Variants in USP25 observed in about 807,000 individuals in gnomAD.
USP25 encodes ubiquitin specific peptidase 25, also known as ubiquitin carboxyl-terminal hydrolase 25.
Under a neutral mutation model 158.5 loss-of-function variants are expected in USP25, and 85 were observed. The observed-to-expected ratio is 0.54, with a 90% CI of 0.45 to 0.64. USP25 has a LOEUF of 0.64. Among genes scored for constraint, USP25 ranks in the 30% least tolerant of loss-of-function variants. The probability of loss-of-function intolerance (pLI) is 0.00; values close to 1 mark genes in which losing one functional copy is unlikely to be tolerated. For synonymous variants in USP25, 464 were observed against 460.4 expected, an observed-to-expected ratio of 1.01 and a Z score of -0.10; for missense variants, 1,242 against 1,327.3, an observed-to-expected ratio of 0.94 and a Z score of 1.00.
rs759893206 is a variant in USP25, at chr21:15,766,812, AAT to A, written c.268+673_268+674del. ...TAGTTTAATAATTGTACTACATAAAAATAGTTACTTTTATGCCTTATGGATTT... is the reference window on the plus strand; with the variant it reads ...TAGTTTAATAATTGTACTACATAAAAAGTTACTTTTATGCCTTATGGATTT... On this transcript the variant is annotated intron_variant, in intron 3 of 25. Coordinates refer to ENST00000400183, the MANE Select transcript of USP25 (RefSeq NM_001283041.3). The surrounding 1 kb of genome is among the most constrained non-coding windows in gnomAD (Gnocchi z 4.0). Among the ~76,000 whole-genome samples, 2 of 152,100 alleles carry A rather than the reference AAT, an allele frequency of 1.3e-5. No individual in the cohort carries two copies. The highest frequency in any genetic ancestry group is 2.9e-5 in the Non-Finnish European group (2 of 67,974).
chr21:15,867,793 T>G (rs1262333238), intron 22 of USP25, among the ~76,000 whole-genome samples: 2 of 152,074 alleles, frequency 1.3e-5, no homozygotes, highest in Non-Finnish European at 2.9e-5. Flanking sequence ...AGAAATAAAT[T>G]TAACAAAAGG....
intron 16 of USP25, among the ~76,000 whole-genome samples, chr21:15,832,371 T>C (rs1375133334): frequency 6.6e-6 from 1 of 152,192 alleles, no homozygotes; most frequent in East Asian, 1.9e-4. Flanking sequence ...TAAAGGTTTA[T>C]TGAAACTGAT....
At chr21:15,737,592 G>A (rs1267720806) in intron 1 of USP25, among the ~76,000 whole-genome samples, 1 of 151,482 alleles carries the variant, frequency 6.6e-6, no homozygotes, top group Admixed American at 6.6e-5. Flanking sequence ...TTTTTTTAAT[G>A]TTAGTTGTTT....
At chr21:15,752,178 C>T (rs1184561604) in intron 1 of USP25, among the ~76,000 whole-genome samples, 12 of 151,890 alleles carry the variant, frequency 7.9e-5, no homozygotes, top group Non-Finnish European at 2.9e-5. Context: ...GGTGATCTGC[C>T]TGCCTCGGCC....
chr21:15,774,231 C>G lies in USP25; in HGVS notation c.269-3673C>G, dbSNP rs532082690. Among the ~76,000 whole-genome samples, 20 of 152,198 alleles carry G rather than the reference C, an allele frequency of 1.3e-4. No individual in the cohort carries two copies. In the South Asian group the frequency reaches 3.3e-3, roughly 25 times the overall value. On this transcript the variant is annotated intron_variant, in intron 3 of 25. Coordinates refer to ENST00000400183, the MANE Select transcript of USP25 (RefSeq NM_001283041.3). Reference sequence around the variant, plus strand: ...AGTGTTTCTTGCTTTTTGGATGGATCTTTTACCCATGCATGAGTTTGTAAC... The same window carrying G: ...AGTGTTTCTTGCTTTTTGGATGGATGTTTTACCCATGCATGAGTTTGTAAC...
intron 5 of USP25, among the ~76,000 whole-genome samples, chr21:15,792,048 T>C (rs982376287): frequency 4.0e-5 from 6 of 151,794 alleles, no homozygotes; most frequent in African/African-American, 1.2e-4. Flanking sequence ...TTGTATATAC[T>C]AGACAGTGTT....
At chr21:15,860,219 C>G (rs946806520) in intron 20 of USP25, among the ~76,000 whole-genome samples, 8 of 152,020 alleles carry the variant, frequency 5.3e-5, no homozygotes, top group Non-Finnish European at 1.0e-4. Flanking sequence ...ATGGCATGAT[C>G]TCAGCTCACC....
Position 15,818,994 on chromosome 21 carries a change from A to G in USP25, c.1080+148A>G. On this transcript the variant is annotated intron_variant, in intron 10 of 25. Transcript: ENST00000400183. ...TTTGGATTTAATTGGTAATTTAGAC[A>G]TTCAGGAGACCTGTCCAGTCAATAT... 3 of 953,064 alleles carry G rather than the reference A, an allele frequency of 3.1e-6. No homozygotes were observed. The South Asian group carries it at 5.6e-5, about 18-fold the overall frequency. The allele number at this position is 953,064 out of a possible 1,614,324, so 59.0% of individuals were successfully genotyped here. A position where few individuals can be genotyped will look rare whatever the true frequency, so the allele number is the denominator to read the frequency against.
intron 20 of USP25, among the ~76,000 whole-genome samples, chr21:15,855,827 G>A (rs1189309602): frequency 6.6e-6 from 1 of 152,136 alleles, no homozygotes; most frequent in Non-Finnish European, 1.5e-5. Flanking sequence ...ACTACAGTCT[G>A]TCCGTACCCA....
chr21:15,738,967 C>G (rs1007175096), intron 1 of USP25, among the ~76,000 whole-genome samples: 3 of 152,268 alleles, frequency 2.0e-5, no homozygotes, highest in Admixed American at 2.0e-4. Context: ...ATGACCCTCT[C>G]ACACGCACCC....
rs562452693 is a variant in USP25 at position 15,833,476 on chromosome 21, G to T, written c.2122G>T (p.Ala708Ser). Residue 708 changes from alanine to serine, a missense_variant, in exon 17 of 26, where the codon GCC (alanine) becomes TCC (serine). By Grantham distance (99) the Ala-to-Ser change is moderately conservative (BLOSUM62 1). Around this residue, in one of 3 missense-constraint regions of USP25, gnomAD observed 608 missense variants for 605.2 expected, o/e 1.00. Transcript: ENST00000400183. ...KELEEWDAQL[A>S]QKALQEKLLA... The stretch of plus-strand genomic sequence containing the variant: ...ACTAGAAGAATGGGATGCACAACTT[G>T]CCCAGAAAGCTTTGCAGGAAAAGCT... 2 of 1,614,068 alleles carry T rather than the reference G, an allele frequency of 1.2e-6. No homozygotes were observed. The highest frequency in any genetic ancestry group is 2.2e-5 in the East Asian group (1 of 44,854).
intron 10 of USP25, among the ~76,000 whole-genome samples, chr21:15,823,586 G>T (rs1404110041): frequency 6.6e-6 from 1 of 152,018 alleles, no homozygotes; most frequent in Non-Finnish European, 1.5e-5. Context: ...TTTAGTATGA[G>T]AGTTGTGACG....
chr21:15,760,521 A>G (rs2033661461), intron 1 of USP25, among the ~76,000 whole-genome samples: 1 of 152,212 alleles, frequency 6.6e-6, no homozygotes, highest in East Asian at 1.9e-4. Flanking sequence ...TCTAATACAT[A>G]TGATTTCTGT....
intron 22 of USP25, among the ~76,000 whole-genome samples, chr21:15,869,378 C>A (rs2039791903): frequency 6.6e-6 from 1 of 152,018 alleles, no homozygotes; most frequent in African/African-American, 2.4e-5. Flanking sequence ...TCCAATTTAT[C>A]CTACATTGAA....
intron 9 of USP25, among the ~76,000 whole-genome samples, chr21:15,812,831 A>C (rs1175597565): frequency 6.6e-6 from 1 of 152,116 alleles, no homozygotes; most frequent in African/African-American, 2.4e-5. Context: ...TTTTACATAG[A>C]TCTTCCTAAT....
intron 14 of USP25, among the ~76,000 whole-genome samples, chr21:15,829,744 A>G (rs1352613004): frequency 1.3e-5 from 2 of 151,920 alleles, no homozygotes; most frequent in Admixed American, 6.6e-5. Context: ...CCAGTTTTTC[A>G]TTTGATTTTA....
intron 23 of USP25, 70 bp from the exon 24 acceptor site, chr21:15,874,333 A>C (rs747716841): frequency 3.2e-5 from 44 of 1,362,370 alleles, no homozygotes; most frequent in Non-Finnish European, 4.1e-5. Flanking sequence ...AAAATGTTTC[A>C]TAATTATAGC....
At chr21:15,812,299 G>C (rs564384132) in intron 9 of USP25, among the ~76,000 whole-genome samples, 1 of 152,146 alleles carries the variant, frequency 6.6e-6, no homozygotes, top group South Asian at 2.1e-4. Flanking sequence ...ATAATACCCT[G>C]CATGAGCATT....
intron 21 of USP25, among the ~76,000 whole-genome samples, chr21:15,865,605 CGTT>C (rs1457980253): frequency 1.3e-5 from 2 of 152,092 alleles, no homozygotes; most frequent in Non-Finnish European, 2.9e-5. Flanking sequence ...TTGTGACCCT[CGTT>C]ATCTGTGCTA....
Sources: allele counts gnomAD v4.1 joint callset (sites outside exome capture counted in the v4.1 genomes callset), GRCh38; gene constraint gnomAD v4.1.1; regional missense constraint gnomAD v4.1.1; non-coding constraint Gnocchi (gnomAD v3.1); transcripts MANE v1.5; gene names NCBI Gene and HGNC (gene_info 2026-07-23, HGNC 2026-07-21).